Variants in EYA1 observed in about 807,000 individuals in gnomAD.
EYA1 encodes EYA transcriptional coactivator and phosphatase 1, also known as protein phosphatase EYA1.
In EYA1, 16 loss-of-function variants were observed where a neutral mutation model predicts 82.0. The ratio of observed to expected loss-of-function variants is 0.20; its 90% CI spans 0.13 to 0.30. The LOEUF (loss-of-function observed/expected upper bound fraction) is 0.30, where lower values mean the gene tolerates loss of function less well. Ranked by LOEUF, EYA1 falls within the 10% of genes least tolerant of loss-of-function variation. The pLI is 1.00. For synonymous variants in EYA1, 261 were observed against 264.4 expected, an observed-to-expected ratio of 0.99 and a Z score of 0.12; for missense variants, 633 against 730.7, an observed-to-expected ratio of 0.87 and a Z score of 1.54.
intron 2 of EYA1, among the ~76,000 whole-genome samples, chr8:71,490,416 T>C (rs777755300): frequency 1.3e-5 from 2 of 152,210 alleles, no homozygotes; most frequent in Non-Finnish European, 2.9e-5. Flanking sequence ...GTTCTTTGTG[T>C]TAATGTTATC....
At chr8:71,256,888 A>T (rs942409667) in intron 11 of EYA1, among the ~76,000 whole-genome samples, 2 of 152,058 alleles carry the variant, frequency 1.3e-5, no homozygotes, top group African/African-American at 2.4e-5. Flanking sequence ...AATCCCAGCT[A>T]CATGGGAGGC....
chr8:71,547,547 C>G (rs1333099124), intron 1 of EYA1: 1 of 152,070 alleles, frequency 6.6e-6, no homozygotes, highest in Non-Finnish European at 1.5e-5. Context: ...CGGAGGCTGC[C>G]CGGGCGGGCT....
In EYA1 at chr8:71,291,974, C is replaced by A. The variant is rs183980929; in HGVS notation, c.826+7073G>T. 6.6e-5 allele frequency among the ~76,000 whole-genome samples: 10 copies of A among 151,886 alleles called. No homozygotes were observed. The East Asian group carries it at 1.7e-3, about 26-fold the overall frequency. ...TTGGGATAAAAAATATGTTGTCAGG[C>A]CAAATTATTTAAATACAGCACAGTA... On this transcript the variant is annotated intron_variant, in intron 9 of 17. Coordinates refer to ENST00000340726, the MANE Select transcript of EYA1 (RefSeq NM_000503.6).
chr8:71,462,132 AC>A (rs1212131152), intron 2 of EYA1, among the ~76,000 whole-genome samples: 1 of 151,576 alleles, frequency 6.6e-6, no homozygotes, highest in Non-Finnish European at 1.5e-5. Context: ...CTCAATGGGG[AC>A]CCACCGCTTC....
At chr8:71,427,308 T>G (rs560086071) in intron 2 of EYA1, among the ~76,000 whole-genome samples, 1 of 152,348 alleles carries the variant, frequency 6.6e-6, no homozygotes, top group East Asian at 1.9e-4. Context: ...TTGGTTAGCT[T>G]ATTATATCGA....
intron 2 of EYA1, among the ~76,000 whole-genome samples, chr8:71,451,620 T>C (rs1807381430): frequency 6.6e-6 from 1 of 152,212 alleles, no homozygotes; most frequent in South Asian, 2.1e-4. Flanking sequence ...TTTACATATC[T>C]TTACCTTTAC....
At chr8:71,362,714 G>T (rs1827509142), upstream of EYA1, among the ~76,000 whole-genome samples, 1 of 152,126 alleles carries the variant, frequency 6.6e-6, no homozygotes, top group African/African-American at 2.4e-5. Flanking sequence ...TAATGTTTCA[G>T]TGTTAATATT....
At chr8:71,314,662 T>C (rs1487993826) in intron 7 of EYA1, among the ~76,000 whole-genome samples, 2 of 152,318 alleles carry the variant, frequency 1.3e-5, no homozygotes, top group Admixed American at 1.3e-4. Context: ...TTGAATCATT[T>C]TGGATTTCAG....
At chr8:71,507,080 A>G (rs1812246073) in intron 2 of EYA1, among the ~76,000 whole-genome samples, 1 of 152,198 alleles carries the variant, frequency 6.6e-6, no homozygotes. Context: ...AATAACAACA[A>G]TAACAATAGC....
intron 2 of EYA1, among the ~76,000 whole-genome samples, chr8:71,446,455 A>G (rs1046394563): frequency 6.6e-6 from 1 of 152,144 alleles, no homozygotes; most frequent in Non-Finnish European, 1.5e-5. Flanking sequence ...CAGAACTGTG[A>G]GTCAATTAAA....
intron 9 of EYA1, among the ~76,000 whole-genome samples, chr8:71,288,617 T>C (rs923856381): frequency 2.0e-5 from 3 of 152,246 alleles, no homozygotes; most frequent in South Asian, 2.1e-4. Context: ...GATTTGTAGA[T>C]ATAAGAGAGT....
chr8:71,282,939 T>TTG (rs144903798), intron 9 of EYA1, among the ~76,000 whole-genome samples: 7 of 32,508 alleles, frequency 2.2e-4, no homozygotes, highest in African/African-American at 4.7e-4. Flanking sequence ...CACCACCTTG[T>TTG]TTTTTTTTTT....
intron 2 of EYA1, among the ~76,000 whole-genome samples, chr8:71,432,261 G>A (rs1805679398): frequency 6.6e-6 from 1 of 152,158 alleles, no homozygotes; most frequent in Non-Finnish European, 1.5e-5. Flanking sequence ...ATAAACAATT[G>A]CATTTTAGAA....
chr8:71,375,511 A>C (rs1828322715), intron 2 of EYA1, among the ~76,000 whole-genome samples: 1 of 152,160 alleles, frequency 6.6e-6, no homozygotes, highest in South Asian at 2.1e-4. Flanking sequence ...AATAACATCT[A>C]AAACATGAAA....
intron 2 of EYA1, among the ~76,000 whole-genome samples, chr8:71,444,268 G>A (rs1227331069): frequency 1.3e-5 from 2 of 152,180 alleles, no homozygotes; most frequent in Non-Finnish European, 2.9e-5. Flanking sequence ...GGATAAGTCA[G>A]AATTGAATCT....
intron 2 of EYA1, among the ~76,000 whole-genome samples, chr8:71,381,055 C>G (rs770785881): frequency 6.6e-6 from 1 of 152,212 alleles, no homozygotes; most frequent in South Asian, 2.1e-4. Context: ...GTTCACAAGA[C>G]CCCATTATCA....
chr8:71,283,750 C>T (rs1398833153), intron 9 of EYA1, among the ~76,000 whole-genome samples: 1 of 152,124 alleles, frequency 6.6e-6, no homozygotes, highest in African/African-American at 2.4e-5. Flanking sequence ...CTGGTCTCAA[C>T]TGATTGAAAC....
At position 71,299,112 on chromosome 8, in the gene EYA1, G is replaced by T. The variant is rs1281786069; in HGVS notation, c.761C>A (p.Ala254Asp). 6.2e-7 allele frequency: 1 copy of T among 1,614,140 alleles called. No individual in the cohort carries two copies. Among genetic ancestry groups the T allele is most frequent in the Non-Finnish European group, 8.5e-7 (1 of 1,179,994 alleles). The change falls in exon 9 of 18, where the codon GCC becomes GAC. Residue 254 changes from alanine to aspartate, a missense_variant. Physicochemically the swap from Ala to Asp is moderately radical, Grantham distance 126. Transcript: ENST00000340726. ...NTSPTTPSTNATYQLQEPPSG... is the reference protein window; with the variant it reads ...NTSPTTPSTNDTYQLQEPPSG... ...TGGCGGTTCTTGAAGCTGGTAAGTG[G>T]CATTGGTGGATGGTGTCGTTGGGCT...
chr8:71,449,063 T>G (rs1410196477), intron 2 of EYA1: 1 of 166,538 alleles, frequency 6.0e-6, no homozygotes, highest in Non-Finnish European at 1.4e-5. Flanking sequence ...TACGTGTTTT[T>G]CGACAGCCAC....
Sources: gnomAD v4.1 joint callset for allele counts (sites outside exome capture counted in the v4.1 genomes callset) on GRCh38, gnomAD v4.1.1 for gene constraint, MANE v1.5 for transcripts, NCBI Gene and HGNC (gene_info 2026-07-23, HGNC 2026-07-21) for gene names.